The following GNAQ variants were observed in gnomAD, a reference collection of about 807,000 sequenced individuals.
GNAQ encodes the protein guanine nucleotide-binding protein G(q) subunit alpha.
In GNAQ, 8 loss-of-function variants were observed where a neutral mutation model predicts 43.9. That is an observed-to-expected ratio of 0.18 (90% CI 0.11 to 0.33). The LOEUF (loss-of-function observed/expected upper bound fraction) is 0.33, where lower values mean the gene tolerates loss of function less well. Among genes scored for constraint, GNAQ ranks in the 10% least tolerant of loss-of-function variants. GNAQ has a pLI of 1.00. For synonymous variants in GNAQ, 155 were observed against 170.7 expected (o/e 0.91, Z 0.71); for missense variants, 158 against 450.8 (o/e 0.35, Z 5.88).
chr9:77,941,451 A>G (rs913841304), intron 1 of GNAQ, among the ~76,000 whole-genome samples: 1 of 152,032 alleles, frequency 6.6e-6, no homozygotes, highest in Non-Finnish European at 1.5e-5. Flanking sequence ...GGGTTTCACC[A>G]TGTTAGCCAG....
intron 5 of GNAQ, among the ~76,000 whole-genome samples, chr9:77,752,258 C>CAAAGT (rs1686776917): frequency 6.6e-6 from 1 of 152,124 alleles, no homozygotes. Flanking sequence ...AGGAGTATTC[C>CAAAGT]AAAGTATTAC....
intron 2 of GNAQ, among the ~76,000 whole-genome samples, chr9:77,870,324 GTTTTTTT>G (rs781464413): frequency 6.3e-5 from 7 of 111,128 alleles, no homozygotes; most frequent in Non-Finnish European, 1.1e-4. Context: ...TTTGGTGCTA[GTTTTTTT>G]TTTTTTTTTT....
At chr9:78,021,736 A>C (rs940435211) in intron 1 of GNAQ, among the ~76,000 whole-genome samples, 1 of 152,262 alleles carries the variant, frequency 6.6e-6, no homozygotes, top group African/African-American at 2.4e-5. Context: ...GGCAAAGGGA[A>C]AGCAATGTTG....
intron 5 of GNAQ, among the ~76,000 whole-genome samples, chr9:77,774,126 G>T (rs1313493258): frequency 3.9e-5 from 6 of 151,994 alleles, no homozygotes; most frequent in Non-Finnish European, 7.4e-5. Flanking sequence ...TATCTACATT[G>T]TAGAGCATAT....
chr9:77,986,570 A>G (rs1823438467), intron 1 of GNAQ, among the ~76,000 whole-genome samples: 1 of 152,172 alleles, frequency 6.6e-6, no homozygotes, highest in Non-Finnish European at 1.5e-5. Context: ...CAGTGGCATG[A>G]TAACAGCTCA....
At chr9:77,851,432 C>T (rs1827674920) in intron 2 of GNAQ, among the ~76,000 whole-genome samples, 1 of 152,144 alleles carries the variant, frequency 6.6e-6, no homozygotes, top group Non-Finnish European at 1.5e-5. Context: ...GCATGAAGAG[C>T]CAAAATCTGT....
rs547047476 is a variant in GNAQ, at chr9:77,819,383, A to G, written c.322-3613T>C. On this transcript the variant is annotated intron_variant, in intron 2 of 6. Transcript: ENST00000286548. Reference sequence around the variant, plus strand: ...AAAGGGAAGGAGGAACTGAGGTCCTACCAAAGTGGGTCTTACCCAGCCCAC... The same window carrying G: ...AAAGGGAAGGAGGAACTGAGGTCCTGCCAAAGTGGGTCTTACCCAGCCCAC... Among the ~76,000 whole-genome samples, 88 of 152,326 alleles carry G rather than the reference A, an allele frequency of 5.8e-4. 1 individual carries two copies. The highest frequency in any genetic ancestry group is 2.7e-3 in the Admixed American group (42 of 15,302).
intron 1 of GNAQ, among the ~76,000 whole-genome samples, chr9:77,980,656 T>A (rs1012175889): frequency 7.1e-6 from 1 of 140,246 alleles, no homozygotes; most frequent in Non-Finnish European, 1.6e-5. Context: ...GATACCACTT[T>A]ACTAGTTTAA....
At chr9:77,936,341 T>A (rs1177139357) in intron 1 of GNAQ, among the ~76,000 whole-genome samples, 5 of 152,212 alleles carry the variant, frequency 3.3e-5, no homozygotes, top group Non-Finnish European at 7.3e-5. Flanking sequence ...GCTGTCTGAA[T>A]TATAGCAGTA....
At chr9:77,878,080 A>C (rs1355157163) in intron 2 of GNAQ, among the ~76,000 whole-genome samples, 1 of 152,196 alleles carries the variant, frequency 6.6e-6, no homozygotes, top group Non-Finnish European at 1.5e-5. Context: ...GGCAACTGGC[A>C]GAGTTTTTAG....
At chr9:77,890,967 G>A (rs142293646) in intron 2 of GNAQ, among the ~76,000 whole-genome samples, 1 of 152,294 alleles carries the variant, frequency 6.6e-6, no homozygotes, top group Non-Finnish European at 1.5e-5. Context: ...TGTCTCCCTG[G>A]AGGAGTAGGA....
At chr9:77,935,053 A>C (rs1209349889) in intron 1 of GNAQ, among the ~76,000 whole-genome samples, 2 of 152,182 alleles carry the variant, frequency 1.3e-5, no homozygotes, top group Admixed American at 6.5e-5. Flanking sequence ...TGAACCCTGG[A>C]GGCAGAGGTT....
intron 1 of GNAQ, among the ~76,000 whole-genome samples, chr9:77,983,959 A>G (rs1823400394): frequency 6.7e-6 from 1 of 149,412 alleles, no homozygotes; most frequent in East Asian, 2.0e-4. Flanking sequence ...TAAAAGATCT[A>G]ACACGTTGTG....
chr9:77,748,019 G>C (rs1245050807), intron 5 of GNAQ, among the ~76,000 whole-genome samples: 2 of 152,190 alleles, frequency 1.3e-5, no homozygotes, highest in Non-Finnish European at 2.9e-5. Context: ...ATGTGGCATA[G>C]AGAGGGGTGG....
At chr9:77,929,530 C>A (rs1829117300) in intron 1 of GNAQ, among the ~76,000 whole-genome samples, 1 of 151,360 alleles carries the variant, frequency 6.6e-6, no homozygotes. Context: ...TGTTCTTGTT[C>A]TAAAATAAAA....
At chr9:77,860,896 C>G (rs185132679) in intron 2 of GNAQ, among the ~76,000 whole-genome samples, 1 of 152,206 alleles carries the variant, frequency 6.6e-6, no homozygotes, top group South Asian at 2.1e-4. Flanking sequence ...ATAATGGCCC[C>G]TCAAAGATAT....
intron 2 of GNAQ, among the ~76,000 whole-genome samples, chr9:77,887,482 T>C (rs1587388069): frequency 6.6e-6 from 1 of 152,350 alleles, no homozygotes; most frequent in Admixed American, 6.5e-5. Context: ...TTTGCTTGCT[T>C]TACTCCATAC....
chr9:78,030,438 C>T, intron 1 of GNAQ: 1 of 456,974 alleles, frequency 2.2e-6, no homozygotes, highest in Admixed American at 2.4e-5. Context: ...TTGTGTGACA[C>T]ATTTGGGCTT....
chr9:77,781,685 G>A (rs1389051507), intron 5 of GNAQ, among the ~76,000 whole-genome samples: 1 of 151,930 alleles, frequency 6.6e-6, no homozygotes, highest in East Asian at 1.9e-4. Context: ...ATTTATCCTA[G>A]GTATGCAATG....
Sources: allele counts gnomAD v4.1 joint callset (sites outside exome capture counted in the v4.1 genomes callset), GRCh38; gene constraint gnomAD v4.1.1; transcripts MANE v1.5; gene names NCBI Gene and HGNC (gene_info 2026-07-23, HGNC 2026-07-21).